CFAP263: variants seen among roughly 807,000 people sequenced by gnomAD.
The protein encoded by CFAP263 is cilia- and flagella-associated protein 263.
At chr16:58,278,780 C>T in the CFAP263 span, 1 of 733,398 alleles carries the variant, frequency 1.4e-6, no homozygotes, top group Non-Finnish European at 2.2e-6. Context: ...AACTATTAAA[C>T]CAAGACGAAG....
the CFAP263 span, chr16:58,280,145 A>C: frequency 3.6e-4 from 517 of 1,427,050 alleles, 1 homozygote; most frequent in Non-Finnish European, 4.7e-4. Flanking sequence ...TATCAAAAAC[A>C]GACATCAAAA....
the CFAP263 span, chr16:58,281,041 A>C: frequency 5.4e-6 from 2 of 373,402 alleles, no homozygotes; most frequent in African/African-American, 2.0e-5. Context: ...CTTTGGCCAA[A>C]CCTTCCCTCT....
chr16:58,252,763 G>T, the CFAP263 span: 1 of 1,613,100 alleles, frequency 6.2e-7, no homozygotes, highest in Non-Finnish European at 8.5e-7. Flanking sequence ...AGACTGAGAT[G>T]TTTGAGAAAT....
chr16:58,258,944 C>G, the CFAP263 span, among the ~76,000 whole-genome samples: 1 of 151,816 alleles, frequency 6.6e-6, no homozygotes, highest in African/African-American at 2.4e-5. Context: ...TGCCACTGCA[C>G]TCCAGCCTGG....
chr16:58,267,827 C>T, the CFAP263 span, among the ~76,000 whole-genome samples: 4 of 152,098 alleles, frequency 2.6e-5, no homozygotes, highest in African/African-American at 4.8e-5. Context: ...ACAAAAATTT[C>T]GTACAGTCCA....
chr16:58,273,998 C>T, the CFAP263 span, among the ~76,000 whole-genome samples: 1 of 152,218 alleles, frequency 6.6e-6, no homozygotes. Flanking sequence ...TTCTCTTTGA[C>T]TCTGCATCTT....
chr16:58,281,044 T>G, the CFAP263 span: 7 of 360,788 alleles, frequency 1.9e-5, no homozygotes, highest in Non-Finnish European at 2.5e-5. Flanking sequence ...TGGCCAAACC[T>G]TCCCTCTCTT....
At chr16:58,268,531 CTGTT>C in the CFAP263 span, among the ~76,000 whole-genome samples, 1 of 152,142 alleles carries the variant, frequency 6.6e-6, no homozygotes, top group Admixed American at 6.5e-5. Context: ...AACTCTAAAA[CTGTT>C]TGTATGATTA....
chr16:58,253,822 G>T, the CFAP263 span, among the ~76,000 whole-genome samples: 1 of 152,296 alleles, frequency 6.6e-6, no homozygotes, highest in Middle Eastern at 3.4e-3. Context: ...AGGATGACTT[G>T]AGAAATAAAT....
the CFAP263 span, chr16:58,278,507 A>G: frequency 1.2e-6 from 2 of 1,614,176 alleles, no homozygotes; most frequent in Non-Finnish European, 1.7e-6. Context: ...GAGGCAGTGA[A>G]TAAGAGGCTC....
the CFAP263 span, among the ~76,000 whole-genome samples, chr16:58,279,396 C>T: frequency 6.6e-6 from 1 of 152,132 alleles, no homozygotes; most frequent in Non-Finnish European, 1.5e-5. Flanking sequence ...CAAATTTGGG[C>T]CCCTCAGATC....
At chr16:58,269,310 G>A in the CFAP263 span, among the ~76,000 whole-genome samples, 1 of 151,686 alleles carries the variant, frequency 6.6e-6, no homozygotes, top group Non-Finnish European at 1.5e-5. Context: ...CAGCCTCAGT[G>A]ACAGAGGGAG....
the CFAP263 span, chr16:58,262,378 G>T: frequency 6.3e-7 from 1 of 1,596,498 alleles, no homozygotes. Context: ...ATCTTTCTGA[G>T]CTGTAGAAGG....
chr16:58,278,123 G>A, the CFAP263 span, among the ~76,000 whole-genome samples: 3 of 152,032 alleles, frequency 2.0e-5, no homozygotes, highest in African/African-American at 7.2e-5. Context: ...ACATGGAAGT[G>A]AATTGAGTCT....
chr16:58,266,403 ATATTTTTTTTTT>A, the CFAP263 span, among the ~76,000 whole-genome samples: 625 of 29,214 alleles, frequency 0.021, 1 homozygote, highest in African/African-American at 0.034. Context: ...ATATATATAT[ATATTTTTTTTTT>A]TTTTTTTTTT....
the CFAP263 span, among the ~76,000 whole-genome samples, chr16:58,266,935 C>T: frequency 1.3e-5 from 2 of 152,278 alleles, no homozygotes; most frequent in Admixed American, 6.5e-5. Flanking sequence ...GCTCAATTCC[C>T]GGCTCCCCCT....
chr16:58,254,744 G>A, the CFAP263 span, among the ~76,000 whole-genome samples: 22,816 of 151,508 alleles, frequency 0.15, 2,165 homozygotes, highest in East Asian at 0.33. Context: ...AGCTGGTACT[G>A]CAGGCGCCCG....
At chr16:58,255,137 G>C in the CFAP263 span, among the ~76,000 whole-genome samples, 1 of 152,202 alleles carries the variant, frequency 6.6e-6, no homozygotes, top group Non-Finnish European at 1.5e-5. Context: ...CAAAACCAGG[G>C]AAGCCAATGG....
the CFAP263 span, among the ~76,000 whole-genome samples, chr16:58,252,346 C>G: frequency 6.6e-6 from 1 of 151,298 alleles, no homozygotes; most frequent in Non-Finnish European, 1.5e-5. Context: ...GTCTCTTAAA[C>G]AAATAAAATA....
Sources: gnomAD v4.1 joint callset for allele counts (sites outside exome capture counted in the v4.1 genomes callset) on GRCh38, gnomAD v4.1.1 for gene constraint, MANE v1.5 for transcripts, NCBI Gene and HGNC (gene_info 2026-07-23, HGNC 2026-07-21) for gene names.